Variants in HHLA1 observed in about 807,000 individuals in gnomAD.
HHLA1 encodes the protein HHLA1 neighbor of OC90.
HHLA1 carries 72 observed loss-of-function variants against 69.9 expected under a neutral mutation model. The ratio of observed to expected loss-of-function variants is 1.03; its 90% CI spans 0.85 to 1.25. The LOEUF (loss-of-function observed/expected upper bound fraction) is 1.25, where lower values mean the gene tolerates loss of function less well. Among genes scored for constraint, HHLA1 ranks in the 50% most tolerant of loss-of-function variants. The pLI, the probability that HHLA1 is intolerant of heterozygous loss-of-function variation, is 0.00. For synonymous variants in HHLA1, 252 were observed against 233.2 expected (o/e 1.08, Z -0.73); for missense variants, 685 against 642.2 (o/e 1.07, Z -0.72).
chr8:132,095,863 T>C (rs2469607), intron 5 of HHLA1, 77 bp from the exon 6 acceptor site: 173,685 of 767,794 alleles, frequency 0.23, 23,120 homozygotes, highest in Middle Eastern at 0.34. Context: ...AAACAGTCCC[T>C]AGAAATTAAC....
At chr8:132,076,439 ACC>A in intron 13 of HHLA1, 34 bp downstream of exon 13, 11 of 291,742 alleles carry the variant, frequency 3.8e-5, no homozygotes, top group Non-Finnish European at 6.5e-5. Context: ...CCCATCCCCC[ACC>A]CCCAAACCCC....
Position 132,065,932 on chromosome 8 carries a change from A to T in HHLA1, c.1506T>A (p.Asn502Lys), listed in dbSNP as rs1307504536. ...TCACCCTCTGACAGATATATGTTGCATTCTTCAGAAACCAGGAATAGTATT... is the reference window on the plus strand; with the variant it reads ...TCACCCTCTGACAGATATATGTTGCTTTCTTCAGAAACCAGGAATAGTATT... Reference protein sequence around the residue: ...CLEYYSWFLKNATYICQRVKR... With the variant: ...CLEYYSWFLKKATYICQRVKR... The change falls in exon 16 of 17, where the codon AAT (asparagine) becomes AAA (lysine). Residue 502 changes from asparagine to lysine, a missense_variant. Physicochemically the swap from Asn to Lys is moderately conservative, Grantham distance 94 (BLOSUM62 0). Coordinates refer to ENST00000414222, the MANE Select transcript of HHLA1 (RefSeq NM_001145095.3). The T allele has an allele frequency of 2.3e-6, 3 of 1,302,676 alleles. No homozygotes were observed. The highest frequency in any genetic ancestry group is 3.0e-6 in the Non-Finnish European group (3 of 986,528). 80.7% of individuals were successfully genotyped at this position (1,302,676 alleles called of 1,614,324 possible).
intron 13 of HHLA1, 58 bp downstream of exon 13, chr8:132,076,417 C>CG: frequency 1.4e-6 from 1 of 717,490 alleles, no homozygotes; most frequent in Non-Finnish European, 2.4e-6. Flanking sequence ...TGTCCCCAAG[C>CG]TTCCCACCCC....
chr8:132,078,768 G>T (rs774903499), intron 11 of HHLA1, among the ~76,000 whole-genome samples: 1 of 152,162 alleles, frequency 6.6e-6, no homozygotes, highest in East Asian at 1.9e-4. Context: ...TTAACAGCTA[G>T]CCTCCTGTCT....
intron 10 of HHLA1, among the ~76,000 whole-genome samples, chr8:132,087,068 G>C (rs1823876273): frequency 6.6e-6 from 1 of 152,190 alleles, no homozygotes; most frequent in Non-Finnish European, 1.5e-5. Flanking sequence ...CTGTGTTATG[G>C]GACCGTAGAA....
rs144089055 is a variant in HHLA1, at chr8:132,076,183, A to G, written c.1241-54T>C. 2,853 of 1,214,196 alleles carry G rather than the reference A, an allele frequency of 2.3e-3. 58 individuals are homozygous for G. In the Admixed American group the frequency reaches 0.045, roughly 19 times the overall value. The allele number at this position is 1,214,196 out of a possible 1,614,324, so 75.2% of individuals were successfully genotyped here. On this transcript the variant is annotated intron_variant, in intron 13 of 16. Transcript: ENST00000414222. ...AGTCAGAATGGAATTACCTTAGGTG[A>G]TACACACAGCAAGAAATTTATAACA...
chr8:132,079,759 G>C lies in HHLA1; in HGVS notation c.884C>G (p.Thr295Arg), dbSNP rs1220136086. The C allele has an allele frequency of 6.4e-7, 1 of 1,551,592 alleles. No homozygotes were observed. Among genetic ancestry groups the C allele is most frequent in the African/African-American group, 1.4e-5 (1 of 73,164 alleles). ...GRPPELPARA[T>R]ATWFSASHTL... Reference sequence around the variant, plus strand: ...GTGGGAGGCACTGAACCATGTGGCTGTGGCCCTGGCTGGAAGCTCAGGAGG... The same window carrying C: ...GTGGGAGGCACTGAACCATGTGGCTCTGGCCCTGGCTGGAAGCTCAGGAGG... Residue 295 changes from threonine to arginine, a missense_variant, in exon 11 of 17, where the codon ACA (threonine) becomes AGA (arginine). Transcript: ENST00000414222.
chr8:132,095,549 A>T lies in HHLA1; in HGVS notation c.418T>A (p.Cys140Ser). ...AAGTCATTGGTCCGATTGTTTAAACAGTAGCAATACCTTGTGGGGAATTTG... is the reference window on the plus strand; with the variant it reads ...AAGTCATTGGTCCGATTGTTTAAACTGTAGCAATACCTTGTGGGGAATTTG... ...PAKFPTRYCY[C>S]LNNRTNDLSD... is the part of the protein sequence containing the mutation. Residue 140 changes from cysteine to serine, a missense_variant, in exon 7 of 17, where the codon TGT becomes AGT. By Grantham distance (112) the Cys-to-Ser change is moderately radical (BLOSUM62 -1). Transcript: ENST00000414222. The T allele has an allele frequency of 6.4e-7, 1 of 1,550,400 alleles. No individual in the cohort carries two copies. Among genetic ancestry groups the T allele is most frequent in the Non-Finnish European group, 8.7e-7 (1 of 1,145,672 alleles).
At chr8:132,076,842 C>A (rs1253747919) in intron 12 of HHLA1, among the ~76,000 whole-genome samples, 1 of 152,000 alleles carries the variant, frequency 6.6e-6, no homozygotes, top group Non-Finnish European at 1.5e-5. Flanking sequence ...CAGGAAGTGT[C>A]CAATGTGGGT....
intron 7 of HHLA1, 79 bp downstream of exon 7, chr8:132,095,440 T>C: frequency 2.2e-6 from 2 of 890,212 alleles, no homozygotes; most frequent in Non-Finnish European, 3.6e-6. Context: ...TGTCTTACAT[T>C]GAGGAAAAAC....
intron 10 of HHLA1, among the ~76,000 whole-genome samples, chr8:132,083,091 G>C (rs1464598965): frequency 4.0e-5 from 6 of 151,884 alleles, no homozygotes; most frequent in Non-Finnish European, 8.8e-5. Context: ...TAAGGTGGGG[G>C]GGATACAAGA....
chr8:132,104,500 G>A (rs1405412822), intron 2 of HHLA1, among the ~76,000 whole-genome samples: 2 of 152,190 alleles, frequency 1.3e-5, no homozygotes, highest in Non-Finnish European at 2.9e-5. Flanking sequence ...TCGGGAATCT[G>A]GAAGCCTTCC....
At chr8:132,103,976 A>G (rs1032071532) in intron 3 of HHLA1, 132 bp downstream of exon 3, 1 of 650,630 alleles carries the variant, frequency 1.5e-6, no homozygotes. Flanking sequence ...CACAGGAACC[A>G]TTGTTGTGAC....
intron 7 of HHLA1, among the ~76,000 whole-genome samples, chr8:132,090,394 T>A (rs1823928692): frequency 6.6e-6 from 1 of 152,194 alleles, no homozygotes; most frequent in Non-Finnish European, 1.5e-5. Context: ...GGAGCCCCAG[T>A]CATTTTCTAA....
Position 132,110,539 on chromosome 8 carries a change from C to T in HHLA1, c.-22+563G>A, listed in dbSNP as rs182014250. Among the ~76,000 whole-genome samples the T allele has an allele frequency of 3.9e-5, 6 of 152,290 alleles. No individual in the cohort carries two copies. The East Asian group carries it at 1.2e-3, about 29-fold the overall frequency. ...GTTTTACATATAGTAACCCATTGGT[C>T]CTTCAAGCAACACTACTAATGGCTT... is the stretch of plus-strand genomic sequence containing the variant. On this transcript the variant is annotated intron_variant, in intron 1 of 16. Transcript: ENST00000414222.
intron 7 of HHLA1, 143 bp from the exon 8 acceptor site, chr8:132,089,742 ATAC>A: frequency 1.6e-6 from 1 of 618,300 alleles, no homozygotes; most frequent in South Asian, 2.0e-5. Context: ...ATACAGAGAA[ATAC>A]TACTAATTCT....
intron 12 of HHLA1, 138 bp downstream of exon 12, chr8:132,077,588 G>T: frequency 1.2e-6 from 1 of 836,534 alleles, no homozygotes; most frequent in Non-Finnish European, 1.8e-6. Flanking sequence ...GGAGAAGGAA[G>T]AGTTTGCTTC....
chr8:132,081,695 C>G (rs1209452831), intron 10 of HHLA1, among the ~76,000 whole-genome samples: 2 of 152,118 alleles, frequency 1.3e-5, no homozygotes, highest in Admixed American at 6.5e-5. Context: ...TCTACCTAGA[C>G]TAAGAGGTAT....
At chr8:132,084,442 G>GA (rs1446714846) in intron 10 of HHLA1, among the ~76,000 whole-genome samples, 1 of 1,260 alleles carries the variant, frequency 7.9e-4, no homozygotes, top group Non-Finnish European at 4.9e-3. Context: ...GGACTAGGAA[G>GA]GACTGAGTGT....
Sources: allele counts gnomAD v4.1 joint callset (sites outside exome capture counted in the v4.1 genomes callset), GRCh38; gene constraint gnomAD v4.1.1; transcripts MANE v1.5; gene names NCBI Gene and HGNC (gene_info 2026-07-23, HGNC 2026-07-21).